Variants in DAPP1 observed in about 807,000 individuals in gnomAD.
The protein encoded by DAPP1 is dual adaptor of phosphotyrosine and 3-phosphoinositides 1, also known as dual adapter for phosphotyrosine and 3-phosphotyrosine and 3-phosphoinositide.
Under a neutral mutation model 41.5 loss-of-function variants are expected in DAPP1, and 20 were observed. That is an observed-to-expected ratio of 0.48 (90% CI 0.34 to 0.70). The LOEUF is 0.70. DAPP1 is among the 30% of genes least tolerant of loss of function. The probability of loss-of-function intolerance (pLI) is 0.01; values close to 1 mark genes in which losing one functional copy is unlikely to be tolerated. For missense variants in DAPP1, 233 were observed against 333.4 expected (o/e 0.70, Z 2.35); for synonymous variants, 113 against 116.2 (o/e 0.97, Z 0.18).
intron 2 of DAPP1, among the ~76,000 whole-genome samples, chr4:99,837,573 C>T (rs1202076961): frequency 1.3e-5 from 2 of 152,106 alleles, no homozygotes; most frequent in African/African-American, 2.4e-5. Context: ...AAGAATTGTG[C>T]TTTCTCTGCT....
chr4:99,857,673 T>C (rs764300685), intron 4 of DAPP1, among the ~76,000 whole-genome samples: 22 of 149,766 alleles, frequency 1.5e-4, no homozygotes, highest in Admixed American at 4.7e-4. Context: ...AGTCTTTTAC[T>C]TGAAAAAAAA....
In DAPP1 at chr4:99,866,860, CTT is replaced by C. The variant is rs556645497; in HGVS notation, c.774+740_774+741del. ...TCTTGGCTCAGTGCAACTTCTGCCT[CTT>C]GAGTTCAAGTGACTTTCATGTCTCA... On this transcript the variant is annotated intron_variant, in intron 8 of 8. Transcript: ENST00000512369. Among the ~76,000 whole-genome samples the C allele has an allele frequency of 1.9e-4, 27 of 145,392 alleles. 1 individual carries two copies. The South Asian group carries it at 5.8e-3, about 31-fold the overall frequency.
intron 5 of DAPP1, 27 bp downstream of exon 5, chr4:99,861,652 C>T (rs1427611420): frequency 6.4e-7 from 1 of 1,561,182 alleles, no homozygotes; most frequent in African/African-American, 1.4e-5. Context: ...TTGCTCATGC[C>T]AGCCACAGAA....
Position 99,840,437 on chromosome 4 carries a change from G to C in DAPP1, c.358+15G>C, listed in dbSNP as rs759795203. The C allele has an allele frequency of 6.2e-7, 1 of 1,605,942 alleles. No homozygotes were observed. Among genetic ancestry groups the C allele is most frequent in the South Asian group, 1.1e-5 (1 of 89,236 alleles). ...AAGCGAGACAGGTAAGCTATGAGCA[G>C]ACACTTGACTTATGAAATAATGTTT... On this transcript the variant is annotated intron_variant, in intron 3 of 8. Coordinates refer to ENST00000512369, the MANE Select transcript of DAPP1 (RefSeq NM_014395.3).
Position 99,869,756 on chromosome 4 carries a change from C to A in DAPP1, c.*1571C>A, listed in dbSNP as rs1724581941. The A allele has an allele frequency of 1.3e-5, 2 of 152,160 alleles. No homozygotes were observed. Among genetic ancestry groups the A allele is most frequent in the Non-Finnish European group, 2.9e-5 (2 of 68,032 alleles). 9.4% of individuals were successfully genotyped at this position (152,160 alleles called of 1,614,324 possible). On this transcript the variant is annotated 3_prime_UTR_variant, in exon 9 of 9. Coordinates refer to ENST00000512369, the MANE Select transcript of DAPP1 (RefSeq NM_014395.3). ...ATCAGCCTGGCCAACATGATGAAAC[C>A]TTGTCTTTACTAAAAATACAAAAAT...
intron 2 of DAPP1, among the ~76,000 whole-genome samples, chr4:99,837,595 G>A (rs1723345642): frequency 6.6e-6 from 1 of 152,190 alleles, no homozygotes; most frequent in South Asian, 2.1e-4. Flanking sequence ...AACAGCAAAT[G>A]TTAAAAGTTC....
intron 4 of DAPP1, among the ~76,000 whole-genome samples, chr4:99,858,618 T>A (rs1284197891): frequency 6.6e-6 from 1 of 152,226 alleles, no homozygotes; most frequent in African/African-American, 2.4e-5. Context: ...ACTTGCCAAT[T>A]TTAGCATTTA....
chr4:99,835,683 T>G lies in DAPP1; in HGVS notation c.162T>G (p.Cys54Trp). 6.2e-7 allele frequency: 1 copy of G among 1,613,944 alleles called. No homozygotes were observed. The highest frequency in any genetic ancestry group is 8.5e-7 in the Non-Finnish European group (1 of 1,179,874). Residue 54 changes from cysteine (C) to tryptophan (W), a missense_variant, in exon 2 of 9, where the codon TGT becomes TGG. By Grantham distance (215) the Cys-to-Trp change is radical. Coordinates refer to ENST00000512369, the MANE Select transcript of DAPP1 (RefSeq NM_014395.3). ...AAGCTCTTCTCCTCTCAAATGGATG[T>G]GACGGCAGCTACCTTCTGAGGGACA... ...AAEALLLSNG[C>W]DGSYLLRDSN...
intron 3 of DAPP1, among the ~76,000 whole-genome samples, chr4:99,845,842 C>T (rs1723648537): frequency 6.6e-6 from 1 of 152,152 alleles, no homozygotes; most frequent in African/African-American, 2.4e-5. Context: ...ATCAAACAGC[C>T]TGTCTAAGTA....
At chr4:99,852,898 C>A (rs765848907) in intron 3 of DAPP1, among the ~76,000 whole-genome samples, 1 of 152,152 alleles carries the variant, frequency 6.6e-6, no homozygotes, top group African/African-American at 2.4e-5. Flanking sequence ...TGGAAAGGTT[C>A]TTCAAGCAGT....
intron 4 of DAPP1, among the ~76,000 whole-genome samples, chr4:99,860,887 C>G (rs573896885): frequency 1.3e-5 from 2 of 152,140 alleles, no homozygotes; most frequent in African/African-American, 4.8e-5. Flanking sequence ...AATTCTCCAC[C>G]CTTATATTTC....
At chr4:99,860,465 TTAAAA>T (rs1185988630) in intron 4 of DAPP1, among the ~76,000 whole-genome samples, 1 of 152,228 alleles carries the variant, frequency 6.6e-6, no homozygotes, top group East Asian at 1.9e-4. Flanking sequence ...TTATTTAATG[TTAAAA>T]TAAATCACAC....
intron 1 of DAPP1, among the ~76,000 whole-genome samples, chr4:99,824,986 T>C (rs1286173838): frequency 6.6e-6 from 1 of 152,114 alleles, no homozygotes; most frequent in African/African-American, 2.4e-5. Context: ...GTCCCTCAGG[T>C]CTGTCCAAAT....
At chr4:99,863,167 C>T in intron 6 of DAPP1, 95 bp downstream of exon 6, 3 of 684,526 alleles carry the variant, frequency 4.4e-6, no homozygotes, top group South Asian at 2.3e-5. Flanking sequence ...TTTTTATATC[C>T]ACCTGAAATA....
intron 3 of DAPP1, among the ~76,000 whole-genome samples, chr4:99,849,278 G>A (rs1723774716): frequency 6.6e-6 from 1 of 152,120 alleles, no homozygotes; most frequent in African/African-American, 2.4e-5. Context: ...TTATGCCTGC[G>A]GTTATTGTCC....
intron 1 of DAPP1, among the ~76,000 whole-genome samples, chr4:99,832,854 C>A (rs181175634): frequency 3.3e-5 from 5 of 151,542 alleles, no homozygotes; most frequent in Non-Finnish European, 7.4e-5. Flanking sequence ...TGGAATTTTG[C>A]GAATCAAATA....
intron 3 of DAPP1, 139 bp downstream of exon 3, chr4:99,840,561 T>C: frequency 9.4e-7 from 1 of 1,061,916 alleles, no homozygotes; most frequent in South Asian, 1.6e-5. Flanking sequence ...GTATTTTGTA[T>C]AAAGTAGATA....
chr4:99,847,383 A>G (rs947698964), intron 3 of DAPP1, among the ~76,000 whole-genome samples: 1 of 151,534 alleles, frequency 6.6e-6, no homozygotes, highest in Admixed American at 6.6e-5. Flanking sequence ...ATTTCATATT[A>G]TTGCATACAG....
At chr4:99,831,241 A>G (rs1723109714) in intron 1 of DAPP1, among the ~76,000 whole-genome samples, 1 of 152,188 alleles carries the variant, frequency 6.6e-6, no homozygotes, top group South Asian at 2.1e-4. Flanking sequence ...GGGATCTATC[A>G]ACTTTGATGT....
Sources: gnomAD v4.1 joint callset for allele counts (sites outside exome capture counted in the v4.1 genomes callset) on GRCh38, gnomAD v4.1.1 for gene constraint, MANE v1.5 for transcripts, NCBI Gene and HGNC (gene_info 2026-07-23, HGNC 2026-07-21) for gene names.